The following GLYR1 variants were observed in gnomAD, a reference collection of about 807,000 sequenced individuals.
GLYR1 encodes the protein cytokine-like nuclear factor N-PAC.
A neutral mutation model predicts 72.7 loss-of-function variants in GLYR1; 21 were observed. That is an observed-to-expected ratio of 0.29 (90% confidence interval 0.20 to 0.42). The LOEUF (loss-of-function observed/expected upper bound fraction) is 0.42. GLYR1 is among the 10% of genes least tolerant of loss of function. The pLI, the probability that GLYR1 is intolerant of heterozygous loss-of-function variation, is 1.00. For missense variants in GLYR1, 594 were observed against 712.1 expected (o/e 0.83, Z 1.89); for synonymous variants, 392 against 270.2 (o/e 1.45, Z -4.42).
Position 4,811,062 on chromosome 16 carries a change from A to T in GLYR1, c.1587+108T>A, listed in dbSNP as rs1199270823. 7 of 1,369,606 alleles carry T rather than the reference A, an allele frequency of 5.1e-6. No individual in the cohort carries two copies. The East Asian group carries it at 1.7e-4, about 33-fold the overall frequency. The allele number at this position is 1,369,606 out of a possible 1,614,324, so 84.8% of individuals were successfully genotyped here. ...GGAGGTTGCATTGAGCTGAGATCGCACCAGTGCACTCTAGCCTGGGTGACA... is the reference window on the plus strand; with the variant it reads ...GGAGGTTGCATTGAGCTGAGATCGCTCCAGTGCACTCTAGCCTGGGTGACA... On this transcript the variant is annotated intron_variant, in intron 15 of 15. Transcript: ENST00000321919.
chr16:4,806,432 T>C (rs1294378553), intron 15 of GLYR1, among the ~76,000 whole-genome samples: 1 of 151,108 alleles, frequency 6.6e-6, no homozygotes, highest in African/African-American at 2.4e-5. Flanking sequence ...TCATGGCTCA[T>C]TGCAGCCTCG....
At chr16:4,812,293 C>A (rs201029275) in intron 12 of GLYR1, 45 bp from the exon 13 acceptor site, 21 of 1,582,144 alleles carry the variant, frequency 1.3e-5, no homozygotes, top group South Asian at 2.3e-5. Flanking sequence ...CCTCTCCCAG[C>A]GCTCTCTGGG....
intron 5 of GLYR1, among the ~76,000 whole-genome samples, chr16:4,827,292 C>T (rs1194825341): frequency 6.6e-6 from 1 of 152,234 alleles, no homozygotes; most frequent in Non-Finnish European, 1.5e-5. Context: ...CACACAAACA[C>T]CCTCCTCTGA....
chr16:4,824,957 A>C (rs1202954587), intron 5 of GLYR1, among the ~76,000 whole-genome samples: 1 of 151,708 alleles, frequency 6.6e-6, no homozygotes, highest in Non-Finnish European at 1.5e-5. Flanking sequence ...GCCCTTCTTG[A>C]CCCCTCTCTT....
intron 3 of GLYR1, among the ~76,000 whole-genome samples, chr16:4,837,929 CA>C (rs1260379760): frequency 1.2e-3 from 162 of 133,478 alleles, no homozygotes; most frequent in African/African-American, 4.2e-3. Flanking sequence ...GACTCCATCT[CA>C]AAAAATAAAT....
At chr16:4,814,117 T>A (rs1437326466) in intron 11 of GLYR1, among the ~76,000 whole-genome samples, 2 of 151,954 alleles carry the variant, frequency 1.3e-5, no homozygotes, top group Non-Finnish European at 2.9e-5. Flanking sequence ...AGCATTTACT[T>A]TGGGGACTTC....
intron 15 of GLYR1, among the ~76,000 whole-genome samples, chr16:4,810,099 C>T (rs2083240255): frequency 6.6e-6 from 1 of 151,816 alleles, no homozygotes; most frequent in African/African-American, 2.4e-5. Context: ...AATCAGAAAA[C>T]AAATTAACAC....
chr16:4,826,120 T>G (rs867536577), intron 5 of GLYR1, among the ~76,000 whole-genome samples: 1 of 152,050 alleles, frequency 6.6e-6, no homozygotes, highest in Non-Finnish European at 1.5e-5. Flanking sequence ...CAATTATGGC[T>G]CACTGCAGCC....
At chr16:4,811,394 C>G in intron 14 of GLYR1, 100 bp from the exon 15 acceptor site, 1 of 1,510,642 alleles carries the variant, frequency 6.6e-7, no homozygotes, top group East Asian at 2.3e-5. Flanking sequence ...ACTCAGGGCT[C>G]AGTTCCACAT....
chr16:4,820,252 G>C (rs1487510076), intron 9 of GLYR1, among the ~76,000 whole-genome samples: 2 of 152,186 alleles, frequency 1.3e-5, no homozygotes, highest in Non-Finnish European at 2.9e-5. Context: ...GCCTCCCAAA[G>C]TGCTGGGATA....
chr16:4,816,163 T>C (rs555569065), intron 10 of GLYR1, among the ~76,000 whole-genome samples: 2 of 152,264 alleles, frequency 1.3e-5, no homozygotes, highest in South Asian at 4.1e-4. Context: ...TTTTCTTTTC[T>C]GAGACAGGGT....
At position 4,811,783 on chromosome 16, in the gene GLYR1, G is replaced by T; in HGVS notation, c.1302C>A (p.Ala434=). The change falls in exon 14 of 16, where the codon GCC becomes GCA. Residue 434 remains alanine (A), a synonymous_variant. Transcript: ENST00000321919. ...CCATGTTCACGATCAGCATCATCTT[G>T]GCTGCATTGCCCACTTCACCTGCCC... ...SFFLGEVGNA[A]KMMLIVNMVQ... 2 of 1,613,524 alleles carry T rather than the reference G, an allele frequency of 1.2e-6. No homozygotes were observed. The highest frequency in any genetic ancestry group is 1.7e-6 in the Non-Finnish European group (2 of 1,179,740).
At chr16:4,827,274 G>A (rs977040566) in intron 5 of GLYR1, among the ~76,000 whole-genome samples, 2 of 152,172 alleles carry the variant, frequency 1.3e-5, no homozygotes, top group Non-Finnish European at 2.9e-5. Flanking sequence ...AATTACTATA[G>A]CAACACACAC....
chr16:4,821,305 A>ACCCCCCTG, intron 9 of GLYR1, 75 bp downstream of exon 9: 1 of 1,475,888 alleles, frequency 6.8e-7, no homozygotes, highest in South Asian at 1.1e-5. Context: ...CCCTTAAAGA[A>ACCCCCCTG]CCCCCCTGGG....
chr16:4,843,597 G>T, intron 3 of GLYR1: 1 of 1,289,108 alleles, frequency 7.8e-7, no homozygotes, highest in Non-Finnish European at 1.0e-6. Context: ...ATGGGGCTGG[G>T]TCTATCTGTA....
At chr16:4,842,862 A>G (rs1052084539) in intron 3 of GLYR1, among the ~76,000 whole-genome samples, 2 of 151,852 alleles carry the variant, frequency 1.3e-5, no homozygotes, top group Non-Finnish European at 2.9e-5. Context: ...ACCACACCCG[A>G]CTAATTTTTG....
At chr16:4,821,501 A>C in intron 8 of GLYR1, 46 bp downstream of exon 8, 3 of 1,614,006 alleles carry the variant, frequency 1.9e-6, no homozygotes, top group Non-Finnish European at 1.7e-6. Context: ...CTGCAGTTTA[A>C]GGCCCCAGGT....
At chr16:4,840,530 C>G (rs1342558430) in intron 3 of GLYR1, among the ~76,000 whole-genome samples, 1 of 152,066 alleles carries the variant, frequency 6.6e-6, no homozygotes, top group African/African-American at 2.4e-5. Context: ...TCTTTTCAAA[C>G]AAACACACAC....
At chr16:4,814,448 C>G (rs1027263747) in intron 11 of GLYR1, 89 bp downstream of exon 11, 2 of 949,324 alleles carry the variant, frequency 2.1e-6, no homozygotes, top group African/African-American at 3.2e-5. Context: ...TGTGGACACT[C>G]ACTTGGTGTG....
Sources: gnomAD v4.1 joint callset for allele counts (sites outside exome capture counted in the v4.1 genomes callset) on GRCh38, gnomAD v4.1.1 for gene constraint, MANE v1.5 for transcripts, NCBI Gene and HGNC (gene_info 2026-07-23, HGNC 2026-07-21) for gene names.